NUP153: variants seen among roughly 807,000 people sequenced by gnomAD.
The protein encoded by NUP153 is nuclear pore complex protein Nup153.
A neutral mutation model predicts 134.6 loss-of-function variants in NUP153; 27 were observed. The observed-to-expected ratio is 0.20, with a 90% CI of 0.15 to 0.28. The LOEUF (loss-of-function observed/expected upper bound fraction) is 0.28, where lower values mean the gene tolerates loss of function less well. NUP153 is among the 10% of genes least tolerant of loss of function. The probability of loss-of-function intolerance (pLI) is 1.00; values close to 1 mark genes in which losing one functional copy is unlikely to be tolerated. For synonymous variants in NUP153, 640 were observed against 623.5 expected, an observed-to-expected ratio of 1.03 and a Z score of -0.40; for missense variants, 1,821 against 1,731.3, an observed-to-expected ratio of 1.05 and a Z score of -0.92.
At chr6:17,645,041 C>A (rs1270219302) in intron 14 of NUP153, among the ~76,000 whole-genome samples, 1 of 151,330 alleles carries the variant, frequency 6.6e-6, no homozygotes, top group East Asian at 1.9e-4. Flanking sequence ...GCCAAGATTA[C>A]GCCACTGTAC....
chr6:17,629,698 A>G (rs745604293), intron 17 of NUP153, among the ~76,000 whole-genome samples, 159 bp from the exon 18 acceptor site: 4 of 152,242 alleles, frequency 2.6e-5, no homozygotes, highest in African/African-American at 4.8e-5. Context: ...AAGGTGACCT[A>G]TATTTAGTCG....
In NUP153 at chr6:17,629,556, G is replaced by GT. The variant is rs1175420295; in HGVS notation, c.2660-18_2660-17insA. 2 of 1,564,108 alleles carry GT rather than the reference G, an allele frequency of 1.3e-6. No homozygotes were observed. The highest frequency in any genetic ancestry group is 1.7e-6 in the Non-Finnish European group (2 of 1,163,362). On this transcript the variant is annotated splice_polypyrimidine_tract_variant and intron_variant, in intron 17 of 21. Coordinates refer to ENST00000262077, the MANE Select transcript of NUP153 (RefSeq NM_005124.4). ...TGTCAAAGCCTACAAAAATATAAAA[G>GT]ACACCACATAGACACTCAATGTACT...
Position 17,629,229 on chromosome 6 carries a change from G to C in NUP153, c.2970C>G (p.Ser990Arg), listed in dbSNP as rs1441876161. ...NFKFGLSSGL[S>R]NPVSLTPFQF... ...GAAATGGAGTTAAAGAAACTGGGTT[G>C]CTTAAACCAGAAGAAAGTCCAAACT... is the stretch of plus-strand genomic sequence containing the variant. Residue 990 changes from serine (S) to arginine (R), a missense_variant, in exon 18 of 22, where the codon AGC becomes AGG. Ser to Arg is a moderately radical substitution (Grantham distance 110). Coordinates refer to ENST00000262077, the MANE Select transcript of NUP153 (RefSeq NM_005124.4). The C allele has an allele frequency of 3.1e-6, 5 of 1,613,284 alleles. No individual in the cohort carries two copies. Among genetic ancestry groups the C allele is most frequent in the East Asian group, 4.5e-5 (2 of 44,894 alleles).
chr6:17,657,169 C>G (rs904538758), intron 11 of NUP153, among the ~76,000 whole-genome samples: 3 of 152,032 alleles, frequency 2.0e-5, no homozygotes, highest in Non-Finnish European at 4.4e-5. Flanking sequence ...CTTGCAGATA[C>G]ATGTTTGGTG....
chr6:17,697,998 C>T (rs1769774302), intron 1 of NUP153, among the ~76,000 whole-genome samples: 1 of 152,156 alleles, frequency 6.6e-6, no homozygotes, highest in African/African-American at 2.4e-5. Flanking sequence ...GACTTCAGTT[C>T]TGTTCAACTC....
rs970567067 is a variant in NUP153, at chr6:17,618,760, G to A, written c.4175-2065C>T. Among the ~76,000 whole-genome samples, 5 of 152,188 alleles carry A rather than the reference G, an allele frequency of 3.3e-5. No individual in the cohort carries two copies. The East Asian group carries it at 9.7e-4, about 29-fold the overall frequency. On this transcript the variant is annotated intron_variant, in intron 20 of 21. Coordinates refer to ENST00000262077, the MANE Select transcript of NUP153 (RefSeq NM_005124.4). The stretch of plus-strand genomic sequence containing the variant: ...TTTTGTATTTCTTAGTAGAGATGGG[G>A]TTTCACCGTGTTAGCCAGGATGGTC...
rs1180442274 is a variant in NUP153 at position 17,629,444 on chromosome 6, T to C, written c.2755A>G (p.Thr919Ala). The change falls in exon 18 of 22, where the codon ACA becomes GCA. Residue 919 changes from threonine to alanine, a missense_variant. Transcript: ENST00000262077. ...SSSSGPSQTL[T>A]STGNFKFGDQ... ...CCAAATTTAAAATTTCCAGTGCTTGTTAAAGTCTGAGAAGGCCCAGAAGAG... is the reference window on the plus strand; with the variant it reads ...CCAAATTTAAAATTTCCAGTGCTTGCTAAAGTCTGAGAAGGCCCAGAAGAG... The C allele has an allele frequency of 1.9e-6, 3 of 1,613,900 alleles. No individual in the cohort carries two copies. Among genetic ancestry groups the C allele is most frequent in the Admixed American group, 3.3e-5 (2 of 59,968 alleles).
chr6:17,639,842 A>T, intron 15 of NUP153, 97 bp downstream of exon 15: 2 of 1,095,204 alleles, frequency 1.8e-6, no homozygotes, highest in South Asian at 2.0e-5. Flanking sequence ...CTACCAAACT[A>T]GTCAGAAATT....
chr6:17,625,868 T>C lies in NUP153; in HGVS notation c.3841A>G (p.Ser1281Gly). The stretch of plus-strand genomic sequence containing the variant: ...AAACCAGAGGTGGTAGTATTATTAC[T>C]GCTGGCTCCTGGACCAAAGACAAAT... ...TPFVFGPGAS[S>G]NNTTTSGFGF... Residue 1281 changes from serine to glycine, a missense_variant, in exon 19 of 22, where the codon AGT (serine) becomes GGT (glycine). By Grantham distance (56) the Ser-to-Gly change is moderately conservative (BLOSUM62 0). Transcript: ENST00000262077. The surrounding 1 kb of genome is among the most constrained non-coding windows in gnomAD (Gnocchi z 4.7). 2 of 1,614,258 alleles carry C rather than the reference T, an allele frequency of 1.2e-6. No individual in the cohort carries two copies. Among genetic ancestry groups the C allele is most frequent in the Non-Finnish European group, 1.7e-6 (2 of 1,180,046 alleles).
chr6:17,627,873 A>T (rs983547658), intron 18 of NUP153, among the ~76,000 whole-genome samples: 1 of 152,216 alleles, frequency 6.6e-6, no homozygotes, highest in African/African-American at 2.4e-5. Context: ...CTTTGCCAAT[A>T]GGTAATTTCC....
rs1770469049 is a variant in NUP153 at position 17,706,046 on chromosome 6, A to G, written c.111+231T>C. Among the ~76,000 whole-genome samples the G allele has an allele frequency of 6.6e-6, 1 of 152,120 alleles. No homozygotes were observed. The highest frequency in any genetic ancestry group is 2.4e-5 in the African/African-American group (1 of 41,412). On this transcript the variant is annotated intron_variant, in intron 1 of 21. Transcript: ENST00000262077. This position sits in a 1 kb window ranked among gnomAD's most constrained non-coding sequence, Gnocchi z 5.9. The stretch of plus-strand genomic sequence containing the variant: ...CTGCCTGGGAAAGCCCCTGACCCAG[A>G]GAGTTGGGGGAAAGGCGGCCCAAAC...
intron 20 of NUP153, among the ~76,000 whole-genome samples, chr6:17,623,891 G>A (rs1261806482): frequency 1.3e-5 from 2 of 152,090 alleles, no homozygotes; most frequent in Non-Finnish European, 2.9e-5. Flanking sequence ...AAGACAAGGC[G>A]GTGGTCATCA....
rs1765073811 is a variant in NUP153, at chr6:17,628,719, C to T, written c.3480G>A (p.Glu1160=). The change falls in exon 18 of 22, where the codon GAG becomes GAA. Residue 1160 remains glutamate (E), a synonymous_variant. Transcript: ENST00000262077. The surrounding 1 kb of genome is among the most constrained non-coding windows in gnomAD (Gnocchi z 5.4). ...TFSFSMTKPS[E]KESEQPAKAT... is the part of the protein sequence containing the mutation. ...CTTTTGCTGGCTGTTCAGATTCCTT[C>T]TCAGATGGTTTTGTCATACTAAAAC... The T allele has an allele frequency of 5.0e-6, 8 of 1,613,890 alleles. No homozygotes were observed. The highest frequency in any genetic ancestry group is 6.8e-6 in the Non-Finnish European group (8 of 1,179,954).
chr6:17,675,050 T>C lies in NUP153; in HGVS notation c.724-17A>G, dbSNP rs745625358. 1 of 1,611,634 alleles carries C rather than the reference T, an allele frequency of 6.2e-7. No homozygotes were observed. On this transcript the variant is annotated splice_polypyrimidine_tract_variant and intron_variant, in intron 4 of 21. Transcript: ENST00000262077. The surrounding 1 kb of genome is among the most constrained non-coding windows in gnomAD (Gnocchi z 4.4). ...CCCAAGTGACTGCACAGAAACAGAA[T>C]GATAAATTATAAGCCATATGAACCC...
At chr6:17,694,677 A>G (rs562037884) in intron 1 of NUP153, among the ~76,000 whole-genome samples, 1 of 151,604 alleles carries the variant, frequency 6.6e-6, no homozygotes, top group African/African-American at 2.4e-5. Flanking sequence ...AAAGAAAAGA[A>G]AAAGAAATAA....
chr6:17,622,299 C>G (rs184492841), intron 20 of NUP153, among the ~76,000 whole-genome samples: 1 of 152,050 alleles, frequency 6.6e-6, no homozygotes, highest in Non-Finnish European at 1.5e-5. Flanking sequence ...ACCACGCCCC[C>G]CTCCAAAAAT....
At chr6:17,637,841 T>G in intron 15 of NUP153, 71 bp from the exon 16 acceptor site, 1 of 1,480,210 alleles carries the variant, frequency 6.8e-7, no homozygotes, top group Non-Finnish European at 9.0e-7. Flanking sequence ...TTGATTATTA[T>G]TACTGAGAAG....
chr6:17,659,636 C>A (rs781531979), intron 11 of NUP153, among the ~76,000 whole-genome samples: 34 of 152,210 alleles, frequency 2.2e-4, no homozygotes, highest in Non-Finnish European at 4.3e-4. Flanking sequence ...TCACACCCAG[C>A]TAATTTTTGT....
intron 16 of NUP153, among the ~76,000 whole-genome samples, chr6:17,635,366 C>T (rs1765497803): frequency 6.6e-6 from 1 of 152,042 alleles, no homozygotes; most frequent in Non-Finnish European, 1.5e-5. Context: ...GCCTCGGCCT[C>T]CCAAAGTGCT....
Sources: gnomAD v4.1 joint callset for allele counts (sites outside exome capture counted in the v4.1 genomes callset) on GRCh38, gnomAD v4.1.1 for gene constraint, Gnocchi (gnomAD v3.1) non-coding constraint, MANE v1.5 for transcripts, NCBI Gene and HGNC (gene_info 2026-07-23, HGNC 2026-07-21) for gene names.